Variants in ZNF474 observed in about 807,000 individuals in gnomAD.
ZNF474 encodes the protein 4933409D10Rik.
For synonymous variants in ZNF474, 192 were observed against 162.2 expected (o/e 1.18, Z -1.39); for missense variants, 511 against 433.8 (o/e 1.18, Z -1.58).
chr5:122,134,332 C>A (rs144762996), intron 1 of ZNF474, among the ~76,000 whole-genome samples: 84 of 152,218 alleles, frequency 5.5e-4, no homozygotes, highest in African/African-American at 1.9e-3. Flanking sequence ...CTAACAGGAG[C>A]CTTATGGAGT....
At chr5:122,151,712 T>TGTGTGTGG (rs1756180054) in intron 1 of ZNF474, 67 bp from the exon 2 acceptor site, 1 of 288,540 alleles carries the variant, frequency 3.5e-6, no homozygotes. Context: ...TAAATGTGTG[T>TGTGTGTGG]GTGTGTGTGT....
At chr5:122,147,577 A>T (rs1163038440) in intron 1 of ZNF474, among the ~76,000 whole-genome samples, 1 of 122,868 alleles carries the variant, frequency 8.1e-6, no homozygotes, top group East Asian at 2.4e-4. Flanking sequence ...TGCTGTGTCC[A>T]AGTGTTCTCA....
chr5:122,130,752 G>A (rs1755556348), intron 1 of ZNF474, among the ~76,000 whole-genome samples: 1 of 152,112 alleles, frequency 6.6e-6, no homozygotes, highest in African/African-American at 2.4e-5. Context: ...GGTTTCTCAT[G>A]AAATGTGTTG....
At chr5:122,139,271 A>G (rs1363381761) in intron 1 of ZNF474, among the ~76,000 whole-genome samples, 1 of 152,216 alleles carries the variant, frequency 6.6e-6, no homozygotes, top group Non-Finnish European at 1.5e-5. Flanking sequence ...TTCTAAATAA[A>G]GTTTTCAACA....
At chr5:122,132,907 G>A (rs1755614033) in intron 1 of ZNF474, among the ~76,000 whole-genome samples, 1 of 152,090 alleles carries the variant, frequency 6.6e-6, no homozygotes, top group African/African-American at 2.4e-5. Context: ...TTGAATACCT[G>A]AAGCAAGTAT....
intron 1 of ZNF474, among the ~76,000 whole-genome samples, chr5:122,140,438 C>T (rs955322901): frequency 2.6e-5 from 4 of 152,182 alleles, no homozygotes; most frequent in Non-Finnish European, 5.9e-5. Flanking sequence ...TGTATTATTT[C>T]TTTCAACCGC....
chr5:122,151,057 C>G (rs1237199107), intron 1 of ZNF474, among the ~76,000 whole-genome samples: 1 of 152,100 alleles, frequency 6.6e-6, no homozygotes, highest in Non-Finnish European at 1.5e-5. Flanking sequence ...GTTTATGTCC[C>G]TCTGAGGGCT....
At chr5:122,147,575 C>T (rs1361380248) in intron 1 of ZNF474, among the ~76,000 whole-genome samples, 1 of 142,764 alleles carries the variant, frequency 7.0e-6, no homozygotes, top group Non-Finnish European at 1.5e-5. Flanking sequence ...CGTGCTGTGT[C>T]CAAGTGTTCT....
At chr5:122,147,619 G>T (rs1756026450) in intron 1 of ZNF474, among the ~76,000 whole-genome samples, 1 of 150,150 alleles carries the variant, frequency 6.7e-6, no homozygotes. Flanking sequence ...GTGTGAACAT[G>T]AGGTGTTCGG....
At chr5:122,139,751 T>G (rs934085378) in intron 1 of ZNF474, among the ~76,000 whole-genome samples, 4 of 152,204 alleles carry the variant, frequency 2.6e-5, no homozygotes, top group African/African-American at 7.2e-5. Context: ...AAATTGTTAA[T>G]GCCTGTTGAA....
chr5:122,148,517 G>C (rs1369906674), intron 1 of ZNF474, among the ~76,000 whole-genome samples: 5 of 152,070 alleles, frequency 3.3e-5, no homozygotes, highest in Non-Finnish European at 7.4e-5. Flanking sequence ...TGGCCTCTTG[G>C]GGCAGCCTTC....
chr5:122,141,300 A>ATTTTTTTTTTTTTTTTTTT (rs368273210), intron 1 of ZNF474, among the ~76,000 whole-genome samples: 4 of 64,360 alleles, frequency 6.2e-5, no homozygotes, highest in African/African-American at 2.9e-4. Flanking sequence ...ACCCCTGGCT[A>ATTTTTTTTTTTTTTTTTTT]TTTTTTTTTT....
intron 1 of ZNF474, among the ~76,000 whole-genome samples, chr5:122,143,462 C>G (rs1335782365): frequency 2.0e-5 from 3 of 152,068 alleles, no homozygotes; most frequent in Non-Finnish European, 2.9e-5. Flanking sequence ...AATGTAGATA[C>G]TAAAATATGG....
intron 1 of ZNF474, among the ~76,000 whole-genome samples, chr5:122,131,144 T>G (rs1464688197): frequency 6.6e-6 from 1 of 152,068 alleles, no homozygotes; most frequent in Non-Finnish European, 1.5e-5. Flanking sequence ...GTTAAAAAGA[T>G]AAAAGATAAC....
rs753947544 is a variant in ZNF474 at position 122,152,867 on chromosome 5, A to G, written c.877A>G (p.Ile293Val). 3.1e-6 allele frequency: 5 copies of G among 1,614,028 alleles called. No homozygotes were observed. The highest frequency in any genetic ancestry group is 4.2e-6 in the Non-Finnish European group (5 of 1,180,038). Residue 293 changes from isoleucine (I) to valine (V), a missense_variant, in exon 2 of 2, where the codon ATC becomes GTC. Transcript: ENST00000296600. ...TGTGTTCTGCCCACATTGTAGCCGA[A>G]TCTTTACCTCAGACCGCCTCCTGGT... ...QLVFCPHCSR[I>V]FTSDRLLVHQ...
chr5:122,140,277 G>A (rs990255621), intron 1 of ZNF474, among the ~76,000 whole-genome samples: 7 of 152,094 alleles, frequency 4.6e-5, no homozygotes, highest in African/African-American at 9.7e-5. Flanking sequence ...ATACACATAC[G>A]AGTGCAAATA....
At position 122,153,442 on chromosome 5, in the gene ZNF474, C is replaced by A; in HGVS notation, c.*357C>A. The A allele has an allele frequency of 4.6e-6, 1 of 216,480 alleles. No homozygotes were observed. Among genetic ancestry groups the A allele is most frequent in the Non-Finnish European group, 1.0e-5 (1 of 100,420 alleles). 13.4% of individuals were successfully genotyped at this position (216,480 alleles called of 1,614,324 possible). ...ATATTTATTGTCGGTTTATTTTAGT[C>A]ATCTACCTTAGGAATTCATTTTTGG... is the stretch of plus-strand genomic sequence containing the variant. On this transcript the variant is annotated 3_prime_UTR_variant, in exon 2 of 2. Transcript: ENST00000296600.
At chr5:122,143,873 C>T (rs1467833889) in intron 1 of ZNF474, among the ~76,000 whole-genome samples, 1 of 152,132 alleles carries the variant, frequency 6.6e-6, no homozygotes, top group Non-Finnish European at 1.5e-5. Context: ...AAGAGTAGCT[C>T]TTATGATATC....
At chr5:122,135,985 G>T (rs539280500) in intron 1 of ZNF474, among the ~76,000 whole-genome samples, 1 of 152,220 alleles carries the variant, frequency 6.6e-6, no homozygotes, top group South Asian at 2.1e-4. Flanking sequence ...GGTTGCCAGA[G>T]CTGGGAAGGG....
Sources: gnomAD v4.1 joint callset for allele counts (sites outside exome capture counted in the v4.1 genomes callset) on GRCh38, gnomAD v4.1.1 for gene constraint, MANE v1.5 for transcripts, NCBI Gene and HGNC (gene_info 2026-07-23, HGNC 2026-07-21) for gene names.